Variants in GSK3B observed in about 807,000 individuals in gnomAD.
GSK3B encodes glycogen synthase kinase-3 beta.
GSK3B carries 15 observed loss-of-function variants against 56.4 expected under a neutral mutation model. The observed-to-expected ratio is 0.27, with a 90% confidence interval of 0.18 to 0.41. GSK3B has a LOEUF of 0.41. Ranked by LOEUF, GSK3B falls within the 10% of genes least tolerant of loss-of-function variation. GSK3B has a pLI of 1.00. For synonymous variants in GSK3B, 181 were observed against 188.9 expected, an observed-to-expected ratio of 0.96 and a Z score of 0.34; for missense variants, 300 against 513.4, an observed-to-expected ratio of 0.58 and a Z score of 4.02.
At position 119,829,042 on chromosome 3, in the gene GSK3B, C is replaced by T. The variant is rs369726717; in HGVS notation, c.1196-2187G>A. On this transcript the variant is annotated intron_variant, in intron 10 of 10. Coordinates refer to ENST00000264235, the MANE Select transcript of GSK3B (RefSeq NM_001146156.2). ...AACCTACTCTCCAAAGCCAGGCTGA[C>T]CACCTTTTCTAACAATCACTGAGGA... is the stretch of plus-strand genomic sequence containing the variant. Among the ~76,000 whole-genome samples the T allele has an allele frequency of 7.2e-5, 11 of 152,286 alleles. No homozygotes were observed. In the East Asian group the frequency reaches 1.9e-3, roughly 27 times the overall value.
chr3:119,955,249 AC>A (rs1422288898), intron 2 of GSK3B, among the ~76,000 whole-genome samples: 106 of 150,444 alleles, frequency 7.0e-4, no homozygotes, highest in East Asian at 5.6e-3. Context: ...AAAAAAAAAA[AC>A]ACAAAAAAAC....
chr3:119,975,664 A>G (rs2057402739), intron 2 of GSK3B, among the ~76,000 whole-genome samples: 1 of 152,222 alleles, frequency 6.6e-6, no homozygotes, highest in African/African-American at 2.4e-5. Context: ...AGTATTTTGT[A>G]TGATACTCTA....
rs76950779 is a variant in GSK3B, at chr3:119,937,474, T to C, written c.366+9794A>G. Among the ~76,000 whole-genome samples, 223 of 152,214 alleles carry C rather than the reference T, an allele frequency of 1.5e-3. 4 individuals carry two copies. In the East Asian group the frequency reaches 0.04, roughly 28 times the overall value. Reference sequence around the variant, plus strand: ...GACTTTCACTTTCTAGCTAGCAGAATTGTGAGCCACATAAACCTCTTTCCT... The same window carrying C: ...GACTTTCACTTTCTAGCTAGCAGAACTGTGAGCCACATAAACCTCTTTCCT... On this transcript the variant is annotated intron_variant, in intron 3 of 10. Coordinates refer to ENST00000264235, the MANE Select transcript of GSK3B (RefSeq NM_001146156.2).
rs1553733639 is a variant in GSK3B, at chr3:119,922,212, A to AGGAAGGAAGGAGGGAGGGAG, written c.477+1160_477+1161insCTCCCTCCCTCCTTCCTTCC. Among the ~76,000 whole-genome samples the AGGAAGGAAGGAGGGAGGGAG allele has an allele frequency of 4.4e-3, 502 of 113,758 alleles. 18 individuals are homozygous for AGGAAGGAAGGAGGGAGGGAG. Among genetic ancestry groups the AGGAAGGAAGGAGGGAGGGAG allele is most frequent in the African/African-American group, 0.018 (484 of 26,764 alleles). 74.6% of individuals were successfully genotyped at this position (113,758 alleles called of 152,430 possible). On this transcript the variant is annotated intron_variant, in intron 4 of 10. Coordinates refer to ENST00000264235, the MANE Select transcript of GSK3B (RefSeq NM_001146156.2). ...AGGTAGGTAGGTAGGGAAGGAGGGA[A>AGGAAGGAAGGAGGGAGGGAG]GGAAGGAAGGAAGGAGGGAAGGAAG...
chr3:120,038,248 G>T (rs1576288855), intron 1 of GSK3B, among the ~76,000 whole-genome samples: 1 of 152,114 alleles, frequency 6.6e-6, no homozygotes, highest in African/African-American at 2.4e-5. Context: ...TTCAATTTTA[G>T]TTATCATAAT....
chr3:120,035,555 T>C (rs1477368449), intron 1 of GSK3B, among the ~76,000 whole-genome samples: 3 of 152,252 alleles, frequency 2.0e-5, no homozygotes, highest in East Asian at 1.9e-4. Flanking sequence ...ACTGGAACTG[T>C]AGATCAACTA....
chr3:119,932,909 C>T (rs937267104), intron 3 of GSK3B, among the ~76,000 whole-genome samples: 1 of 151,930 alleles, frequency 6.6e-6, no homozygotes, highest in African/African-American at 2.4e-5. Context: ...ACCAGCTTGG[C>T]CAACATGATG....
intron 9 of GSK3B, among the ~76,000 whole-genome samples, chr3:119,861,697 G>C (rs138278670): frequency 1.5e-3 from 231 of 152,288 alleles, no homozygotes; most frequent in Middle Eastern, 3.4e-3. Context: ...CCCAGTTTCA[G>C]AATGGGTGCT....
chr3:120,081,383 C>T (rs1173954551), intron 1 of GSK3B, among the ~76,000 whole-genome samples: 1 of 152,068 alleles, frequency 6.6e-6, no homozygotes, highest in African/African-American at 2.4e-5. Context: ...CCTGTCTCTA[C>T]TAAAAATACA....
intron 3 of GSK3B, among the ~76,000 whole-genome samples, chr3:119,925,934 C>T (rs1204347242): frequency 6.6e-6 from 1 of 152,168 alleles, no homozygotes; most frequent in Admixed American, 6.6e-5. Flanking sequence ...CTTGGCACTA[C>T]CATTTGGAAA....
At chr3:119,865,264 G>A (rs1172149965) in intron 8 of GSK3B, among the ~76,000 whole-genome samples, 1 of 151,318 alleles carries the variant, frequency 6.6e-6, no homozygotes, top group Non-Finnish European at 1.5e-5. Context: ...GCACCAATAT[G>A]GCAGCACATA....
At chr3:119,865,466 A>ATATATATATTT (rs1244552588) in intron 8 of GSK3B, among the ~76,000 whole-genome samples, 1 of 34,110 alleles carries the variant, frequency 2.9e-5, no homozygotes, top group African/African-American at 1.1e-4. Context: ...ATATATATAT[A>ATATATATATTT]TTTTTTTTTT....
At chr3:119,861,521 AAAAC>A (rs1337420440) in intron 9 of GSK3B, among the ~76,000 whole-genome samples, 2 of 151,694 alleles carry the variant, frequency 1.3e-5, no homozygotes, top group African/African-American at 2.4e-5. Context: ...AAAAAAAAAA[AAAAC>A]AAAACAAACA....
intron 3 of GSK3B, among the ~76,000 whole-genome samples, chr3:119,929,114 T>TA (rs1474114878): frequency 6.6e-6 from 1 of 152,040 alleles, no homozygotes; most frequent in Admixed American, 6.6e-5. Flanking sequence ...AAACTAGGGG[T>TA]AACAAGAGTA....
intron 7 of GSK3B, among the ~76,000 whole-genome samples, chr3:119,897,987 TA>T (rs550490944): frequency 8.3e-4 from 127 of 152,140 alleles, no homozygotes; most frequent in Admixed American, 1.5e-3. Flanking sequence ...CTCCTTGATT[TA>T]AAATGGGGTC....
intron 7 of GSK3B, among the ~76,000 whole-genome samples, chr3:119,902,945 GCTCAAGCAATCCACCCACCTCGGC>G (rs1319501350): frequency 6.6e-6 from 1 of 150,502 alleles, no homozygotes; most frequent in Middle Eastern, 3.4e-3. Context: ...AAACTCCTGG[GCTCAAGCAATCCACCCACCTCGGC>G]CTCCCAAAGT....
intron 1 of GSK3B, among the ~76,000 whole-genome samples, chr3:120,049,101 C>G (rs1262955061): frequency 6.6e-6 from 1 of 152,198 alleles, no homozygotes; most frequent in African/African-American, 2.4e-5. Context: ...TGTCTCTTCA[C>G]TTTATCTACA....
intron 9 of GSK3B, among the ~76,000 whole-genome samples, chr3:119,862,979 T>C (rs980113003): frequency 2.0e-5 from 3 of 152,214 alleles, no homozygotes; most frequent in South Asian, 2.1e-4. Flanking sequence ...GGGCTCTACT[T>C]TTCCTCCTGT....
intron 2 of GSK3B, among the ~76,000 whole-genome samples, chr3:119,988,114 CACTGGAG>C (rs1268053707): frequency 6.6e-6 from 1 of 152,154 alleles, no homozygotes; most frequent in African/African-American, 2.4e-5. Flanking sequence ...TTTCTGATAA[CACTGGAG>C]ACTGTAACAT....
Sources: gnomAD v4.1 joint callset for allele counts (sites outside exome capture counted in the v4.1 genomes callset) on GRCh38, gnomAD v4.1.1 for gene constraint, MANE v1.5 for transcripts, NCBI Gene and HGNC (gene_info 2026-07-23, HGNC 2026-07-21) for gene names.